Variants in EPHA6 observed in about 807,000 individuals in gnomAD.
The protein encoded by EPHA6 is EPH receptor A6.
Under a neutral mutation model 112.0 loss-of-function variants are expected in EPHA6, and 50 were observed. The observed-to-expected ratio is 0.45, with a 90% CI of 0.36 to 0.56. The LOEUF (loss-of-function observed/expected upper bound fraction) is 0.56, where lower values mean the gene tolerates loss of function less well. Ranked by LOEUF, EPHA6 falls within the 20% of genes least tolerant of loss-of-function variation. EPHA6 has a pLI of 0.00. For missense variants in EPHA6, 1,280 were observed against 1,417.4 expected (o/e 0.90, Z 1.56); for synonymous variants, 529 against 490.7 (o/e 1.08, Z -1.03).
At chr3:97,099,997 C>G (rs1343876336) in intron 3 of EPHA6, among the ~76,000 whole-genome samples, 1 of 151,900 alleles carries the variant, frequency 6.6e-6, no homozygotes, top group African/African-American at 2.4e-5. Context: ...AGGAGTGTCT[C>G]CACCATGTGT....
chr3:96,886,521 T>C (rs994451215), intron 2 of EPHA6, among the ~76,000 whole-genome samples: 3 of 152,232 alleles, frequency 2.0e-5, no homozygotes, highest in African/African-American at 7.2e-5. Context: ...TGGCTATTTG[T>C]ATGAAATTCC....
At chr3:96,829,502 A>G (rs2033881567) in intron 1 of EPHA6, among the ~76,000 whole-genome samples, 1 of 152,014 alleles carries the variant, frequency 6.6e-6, no homozygotes, top group East Asian at 1.9e-4. Flanking sequence ...TCGCTGGATT[A>G]GGAGGAATAT....
intron 9 of EPHA6, among the ~76,000 whole-genome samples, chr3:97,480,539 G>A (rs4276190): frequency 0.19 from 28,011 of 151,164 alleles, 3,774 homozygotes; most frequent in African/African-American, 0.38. Context: ...CAGAGAGCAA[G>A]GGGTTGGGGG....
At chr3:97,455,693 C>T (rs1025956018) in intron 7 of EPHA6, among the ~76,000 whole-genome samples, 1 of 151,876 alleles carries the variant, frequency 6.6e-6, no homozygotes, top group Non-Finnish European at 1.5e-5. Context: ...TGTTTTAATG[C>T]ATATTTCTGG....
At chr3:97,720,202 A>G (rs1473399811) in intron 14 of EPHA6, 59 bp from the exon 15 acceptor site, 13 of 1,383,834 alleles carry the variant, frequency 9.4e-6, no homozygotes, top group Non-Finnish European at 1.1e-5. Context: ...TAATTGGAAT[A>G]CCATTTTGTT....
chr3:97,619,510 A>G (rs974419051), intron 13 of EPHA6, among the ~76,000 whole-genome samples: 1 of 151,696 alleles, frequency 6.6e-6, no homozygotes, highest in African/African-American at 2.4e-5. Flanking sequence ...TCCTATATCT[A>G]CAAAAGCCCA....
At chr3:96,825,179 C>T (rs1029356094) in intron 1 of EPHA6, among the ~76,000 whole-genome samples, 2 of 151,810 alleles carry the variant, frequency 1.3e-5, no homozygotes, top group Non-Finnish European at 2.9e-5. Context: ...AAGATTAAAA[C>T]TTATGCATTT....
At chr3:97,634,184 C>T (rs997201242) in intron 13 of EPHA6, among the ~76,000 whole-genome samples, 6 of 152,044 alleles carry the variant, frequency 3.9e-5, no homozygotes, top group African/African-American at 1.4e-4. Context: ...TCACCATCTA[C>T]AAGATGAAGA....
intron 2 of EPHA6, among the ~76,000 whole-genome samples, chr3:96,913,803 A>G (rs2039350225): frequency 6.6e-6 from 1 of 152,174 alleles, no homozygotes; most frequent in Non-Finnish European, 1.5e-5. Flanking sequence ...GCTAAAGATA[A>G]CAAAAAAATC....
At position 97,616,496 on chromosome 3, in the gene EPHA6, C is replaced by A. The variant is rs540401618; in HGVS notation, c.2574+5642C>A. ...GAAAATCTTCACTGAGCTAAAGGGA[C>A]ATGTTCTAACTCAACACAAGGAAGC... On this transcript the variant is annotated intron_variant, in intron 13 of 17. Coordinates refer to ENST00000389672, the MANE Select transcript of EPHA6 (RefSeq NM_001080448.3). 3.9e-5 allele frequency among the ~76,000 whole-genome samples: 6 copies of A among 152,268 alleles called. No individual in the cohort carries two copies. In the East Asian group the frequency reaches 7.7e-4, roughly 20 times the overall value.
rs1366750207 is a variant in EPHA6, at chr3:97,754,546, G to A, written c.*5845G>A. ...AAATTACATTTTAAAATGAAAAAAA[G>A]AGAAAACTTTTCAATTACTAAGGCA... is the stretch of plus-strand genomic sequence containing the variant. On this transcript the variant is annotated 3_prime_UTR_variant, in exon 18 of 18. Transcript: ENST00000389672. 6.6e-6 allele frequency among the ~76,000 whole-genome samples: 1 copy of A among 152,178 alleles called. No individual in the cohort carries two copies. The highest frequency in any genetic ancestry group is 1.9e-4 in the East Asian group (1 of 5,200).
chr3:97,289,651 G>A (rs2080608388), intron 5 of EPHA6, among the ~76,000 whole-genome samples: 1 of 152,032 alleles, frequency 6.6e-6, no homozygotes, highest in Non-Finnish European at 1.5e-5. Context: ...GTTGCTTTGG[G>A]AAGTATGGCC....
intron 3 of EPHA6, among the ~76,000 whole-genome samples, chr3:97,031,026 G>A (rs1469441096): frequency 1.3e-5 from 2 of 151,934 alleles, no homozygotes; most frequent in African/African-American, 4.8e-5. Flanking sequence ...TTCAGGGGAG[G>A]AGTGACTGTG....
chr3:97,116,835 C>G (rs2047901590), intron 3 of EPHA6, among the ~76,000 whole-genome samples: 1 of 151,436 alleles, frequency 6.6e-6, no homozygotes, highest in South Asian at 2.1e-4. Flanking sequence ...ATATTATTTC[C>G]TTTGGACATA....
chr3:97,364,877 G>A (rs181291268), intron 5 of EPHA6, among the ~76,000 whole-genome samples: 73 of 152,138 alleles, frequency 4.8e-4, no homozygotes, highest in African/African-American at 1.7e-3. Flanking sequence ...GAGGTGTCTA[G>A]GCCTTTTAAA....
chr3:97,027,663 G>A (rs994777014), intron 3 of EPHA6, among the ~76,000 whole-genome samples: 1 of 152,134 alleles, frequency 6.6e-6, no homozygotes, highest in Non-Finnish European at 1.5e-5. Flanking sequence ...GAATCCAGTT[G>A]CTGTTTAATG....
intron 6 of EPHA6, among the ~76,000 whole-genome samples, chr3:97,431,762 T>G (rs951415952): frequency 6.6e-6 from 1 of 152,138 alleles, no homozygotes. Context: ...ACCAGATAGT[T>G]CTTTTCATAT....
At chr3:97,601,500 C>T (rs189475460) in intron 12 of EPHA6, among the ~76,000 whole-genome samples, 48 of 152,228 alleles carry the variant, frequency 3.2e-4, no homozygotes, top group African/African-American at 1.0e-3. Context: ...TGCTGTAAAA[C>T]ATGTGTTGGC....
chr3:97,183,118 G>A (rs2077035120), intron 3 of EPHA6, among the ~76,000 whole-genome samples: 1 of 151,692 alleles, frequency 6.6e-6, no homozygotes, highest in African/African-American at 2.4e-5. Context: ...TAATAACACT[G>A]TGCAATTGTA....
Sources: gnomAD v4.1 joint callset for allele counts (sites outside exome capture counted in the v4.1 genomes callset) on GRCh38, gnomAD v4.1.1 for gene constraint, MANE v1.5 for transcripts, NCBI Gene and HGNC (gene_info 2026-07-23, HGNC 2026-07-21) for gene names.